The following RALGAPA2 variants were observed in gnomAD, a reference collection of about 807,000 sequenced individuals.
RALGAPA2 encodes the protein Ral GTPase activating protein catalytic subunit alpha 2.
Under a neutral mutation model 230.4 loss-of-function variants are expected in RALGAPA2, and 139 were observed. That is an observed-to-expected ratio of 0.60 (90% CI 0.53 to 0.69). The LOEUF is 0.69. Among genes scored for constraint, RALGAPA2 ranks in the 30% least tolerant of loss-of-function variants. RALGAPA2 has a pLI of 0.00. For synonymous variants in RALGAPA2, 847 were observed against 837.8 expected, an observed-to-expected ratio of 1.01 and a Z score of -0.19; for missense variants, 2,163 against 2,276.0, an observed-to-expected ratio of 0.95 and a Z score of 1.01.
intron 37 of RALGAPA2, among the ~76,000 whole-genome samples, chr20:20,429,104 A>C (rs377620808): frequency 6.6e-6 from 1 of 152,146 alleles, no homozygotes; most frequent in African/African-American, 2.4e-5. Context: ...TTTGTAGCCA[A>C]GAGCCCATTG....
chr20:20,427,793 T>G (rs1048908345), intron 37 of RALGAPA2, among the ~76,000 whole-genome samples: 1 of 151,690 alleles, frequency 6.6e-6, no homozygotes, highest in Non-Finnish European at 1.5e-5. Flanking sequence ...AGATTTTTTT[T>G]TTTTGTAAGG....
chr20:20,435,628 A>T (rs2060593404), intron 37 of RALGAPA2, among the ~76,000 whole-genome samples: 1 of 152,162 alleles, frequency 6.6e-6, no homozygotes, highest in Non-Finnish European at 1.5e-5. Flanking sequence ...AAGTGGGAGG[A>T]GCATGTGCGT....
chr20:20,622,498 C>T (rs919708849), intron 10 of RALGAPA2, among the ~76,000 whole-genome samples: 2 of 152,158 alleles, frequency 1.3e-5, no homozygotes, highest in African/African-American at 2.4e-5. Flanking sequence ...GGAGCAACCA[C>T]GTGACTTTCG....
At position 20,613,759 on chromosome 20, in the gene RALGAPA2, C is replaced by T. The variant is rs561925451; in HGVS notation, c.1688+2284G>A. Among the ~76,000 whole-genome samples the T allele has an allele frequency of 9.2e-5, 14 of 152,312 alleles. No individual in the cohort carries two copies. In the South Asian group the frequency reaches 2.5e-3, roughly 27 times the overall value. On this transcript the variant is annotated intron_variant, in intron 13 of 39. Coordinates refer to ENST00000202677, the MANE Select transcript of RALGAPA2 (RefSeq NM_020343.4). Reference sequence around the variant, plus strand: ...TGCTCTTTCTACCAGGAATGCCCTTCCCTTAGACCTCCCCAAGGCTCCCCC... The same window carrying T: ...TGCTCTTTCTACCAGGAATGCCCTTTCCTTAGACCTCCCCAAGGCTCCCCC...
rs144710419 is a variant in RALGAPA2 at position 20,694,081 on chromosome 20, G to C, written c.107-13280C>G. Among the ~76,000 whole-genome samples the C allele has an allele frequency of 4.8e-3, 728 of 151,882 alleles. 2 individuals are homozygous for C. The highest frequency in any genetic ancestry group is 0.01 in the Middle Eastern group (3 of 294). On this transcript the variant is annotated intron_variant, in intron 1 of 39. Transcript: ENST00000202677. ...ATTGAGCCACTGCACTCCAGCCTGG[G>C]CAACAGAGCTAGACGTTGTCTCAAA...
chr20:20,517,902 A>C (rs1854275566), intron 31 of RALGAPA2, among the ~76,000 whole-genome samples: 2 of 152,214 alleles, frequency 1.3e-5, no homozygotes. Context: ...CAGAAAATAC[A>C]GGTAATATGA....
intron 9 of RALGAPA2, among the ~76,000 whole-genome samples, chr20:20,634,318 A>G (rs1181648657): frequency 6.6e-6 from 1 of 152,030 alleles, no homozygotes; most frequent in African/African-American, 2.4e-5. Flanking sequence ...ATCTTTTTTC[A>G]GAAAACTAAT....
chr20:20,591,444 T>C (rs1465179695), intron 16 of RALGAPA2, 130 bp from the exon 17 acceptor site: 2 of 1,107,732 alleles, frequency 1.8e-6, no homozygotes, highest in Non-Finnish European at 2.5e-6. Context: ...TCAGATAATC[T>C]GCATTTAAAT....
In RALGAPA2 at chr20:20,515,849, CG is replaced by C. The variant is rs56844277; in HGVS notation, c.4085-2566del. Among the ~76,000 whole-genome samples the C allele has an allele frequency of 6.3e-5, 8 of 127,390 alleles. No homozygotes were observed. In the East Asian group the frequency reaches 7.8e-4, roughly 12 times the overall value. The allele number at this position is 127,390 out of a possible 152,430, so 83.6% of individuals were successfully genotyped here. A position where few individuals can be genotyped will look rare whatever the true frequency, so the allele number is the denominator to read the frequency against. On this transcript the variant is annotated intron_variant, in intron 31 of 39. Transcript: ENST00000202677. ...TTGACCAGAACCAATGGGAGTGGGG[CG>C]GGGGGGGCAGGGAAGTGCACTGCAG...
chr20:20,456,448 A>C (rs2061122247), intron 37 of RALGAPA2, among the ~76,000 whole-genome samples: 1 of 152,272 alleles, frequency 6.6e-6, no homozygotes, highest in African/African-American at 2.4e-5. Context: ...CTCCTTGGAC[A>C]GGCAGGCTGC....
chr20:20,418,867 T>C (rs1320586518), intron 37 of RALGAPA2, among the ~76,000 whole-genome samples: 1 of 152,082 alleles, frequency 6.6e-6, no homozygotes, highest in Non-Finnish European at 1.5e-5. Context: ...GCCTCCCAAG[T>C]AGCTGGGACT....
At chr20:20,706,773 T>C (rs372696286) in intron 1 of RALGAPA2, among the ~76,000 whole-genome samples, 2 of 152,170 alleles carry the variant, frequency 1.3e-5, no homozygotes, top group South Asian at 2.1e-4. Context: ...TCCTTTTGAA[T>C]CAGATAACTA....
At chr20:20,506,004 A>T (rs2062522675) in intron 33 of RALGAPA2, among the ~76,000 whole-genome samples, 1 of 152,190 alleles carries the variant, frequency 6.6e-6, no homozygotes, top group South Asian at 2.1e-4. Flanking sequence ...CTTTAAGGCT[A>T]CTGGGTGGCT....
At chr20:20,670,918 C>A (rs2068112550) in intron 3 of RALGAPA2, among the ~76,000 whole-genome samples, 1 of 150,108 alleles carries the variant, frequency 6.7e-6, no homozygotes, top group Non-Finnish European at 1.5e-5. Flanking sequence ...CCACTGCACT[C>A]CAGCCTGGGC....
chr20:20,685,238 C>G (rs1159781835), intron 1 of RALGAPA2, among the ~76,000 whole-genome samples: 1 of 152,076 alleles, frequency 6.6e-6, no homozygotes, highest in East Asian at 1.9e-4. Flanking sequence ...CGGTGCTAAG[C>G]TTTAAAAAAT....
At position 20,584,883 on chromosome 20, in the gene RALGAPA2, A is replaced by C; in HGVS notation, c.2512T>G (p.Cys838Gly). 6.2e-7 allele frequency: 1 copy of C among 1,610,632 alleles called. No homozygotes were observed. Among genetic ancestry groups the C allele is most frequent in the Non-Finnish European group, 8.5e-7 (1 of 1,177,494 alleles). ...AACTTACTCTTCTGTCTTTCCCTACATTTTCCTTGTGTCTGCTGCAAATCA... is the reference window on the plus strand; with the variant it reads ...AACTTACTCTTCTGTCTTTCCCTACCTTTTCCTTGTGTCTGCTGCAAATCA... ...KDDLQQTQGK[C>G]RERQKSESTN... The change falls in exon 19 of 40, where the codon TGT (cysteine) becomes GGT (glycine). Residue 838 changes from cysteine to glycine, a missense_variant. Cys to Gly is a radical substitution (Grantham distance 159). Transcript: ENST00000202677.
At chr20:20,527,244 C>G (rs1048271023) in intron 27 of RALGAPA2, among the ~76,000 whole-genome samples, 1 of 152,166 alleles carries the variant, frequency 6.6e-6, no homozygotes, top group African/African-American at 2.4e-5. Context: ...GACAAATGTA[C>G]AGAATAAGGA....
At chr20:20,422,485 C>T (rs1237764810) in intron 37 of RALGAPA2, among the ~76,000 whole-genome samples, 4 of 151,984 alleles carry the variant, frequency 2.6e-5, no homozygotes, top group Admixed American at 2.6e-4. Context: ...GTGAGAGGAT[C>T]GCTTGAGCCT....
intron 20 of RALGAPA2, among the ~76,000 whole-genome samples, chr20:20,578,921 C>G (rs1443806172): frequency 6.6e-6 from 1 of 152,212 alleles, no homozygotes. Flanking sequence ...AGAAGGTGAG[C>G]TACCAATGCC....
Sources: allele counts gnomAD v4.1 joint callset (sites outside exome capture counted in the v4.1 genomes callset), GRCh38; gene constraint gnomAD v4.1.1; transcripts MANE v1.5; gene names NCBI Gene and HGNC (gene_info 2026-07-23, HGNC 2026-07-21).